CFAP44: variants seen among roughly 807,000 people sequenced by gnomAD.
The protein encoded by CFAP44 is cilia- and flagella-associated protein 44.
CFAP44 carries 134 observed loss-of-function variants against 216.2 expected under a neutral mutation model. The observed-to-expected ratio is 0.62, with a 90% CI of 0.54 to 0.72. The LOEUF (loss-of-function observed/expected upper bound fraction) is 0.72, where lower values mean the gene tolerates loss of function less well. Among genes scored for constraint, CFAP44 ranks in the 30% least tolerant of loss-of-function variants. The probability of loss-of-function intolerance (pLI) is 0.00; values close to 1 mark genes in which losing one functional copy is unlikely to be tolerated. For synonymous variants in CFAP44, 700 were observed against 727.6 expected (o/e 0.96, Z 0.61); for missense variants, 2,035 against 2,182.1 (o/e 0.93, Z 1.34).
At chr3:113,354,886 G>A (rs1428510130) in intron 22 of CFAP44, among the ~76,000 whole-genome samples, 4 of 152,114 alleles carry the variant, frequency 2.6e-5, no homozygotes, top group Non-Finnish European at 4.4e-5. Context: ...AACACAAAAC[G>A]AGCACACTAA....
At chr3:113,344,753 G>T in intron 22 of CFAP44, 41 bp from the exon 23 acceptor site, 1 of 1,437,870 alleles carries the variant, frequency 7.0e-7, no homozygotes, top group African/African-American at 1.4e-5. Flanking sequence ...TCACCATTTT[G>T]ATCATTCTGC....
chr3:113,423,734 G>T (rs1351589353), intron 4 of CFAP44, among the ~76,000 whole-genome samples: 1 of 152,152 alleles, frequency 6.6e-6, no homozygotes, highest in African/African-American at 2.4e-5. Flanking sequence ...GCTATTAAAA[G>T]AAAACTTTAG....
intron 2 of CFAP44, among the ~76,000 whole-genome samples, chr3:113,430,168 A>G (rs1935066770): frequency 1.3e-5 from 2 of 152,100 alleles, no homozygotes; most frequent in Non-Finnish European, 2.9e-5. Context: ...CAATAATGAT[A>G]AGATACCTTG....
chr3:113,382,974 G>A (rs1381341607), intron 15 of CFAP44, among the ~76,000 whole-genome samples: 2 of 152,234 alleles, frequency 1.3e-5, no homozygotes, highest in Non-Finnish European at 2.9e-5. Context: ...CGATTTCATG[G>A]ATTATGTCCA....
chr3:113,387,923 C>T (rs1215393332), intron 15 of CFAP44, among the ~76,000 whole-genome samples: 1 of 152,064 alleles, frequency 6.6e-6, no homozygotes, highest in African/African-American at 2.4e-5. Flanking sequence ...TGCCACAGGT[C>T]TGGGGTAGTG....
At chr3:113,432,745 G>A (rs1488471992) in intron 2 of CFAP44, among the ~76,000 whole-genome samples, 3 of 152,260 alleles carry the variant, frequency 2.0e-5, no homozygotes, top group East Asian at 1.9e-4. Context: ...AGTTAAGAAT[G>A]TATTATTTTA....
At chr3:113,292,629 A>G (rs1291075860) in intron 34 of CFAP44, among the ~76,000 whole-genome samples, 2 of 152,230 alleles carry the variant, frequency 1.3e-5, no homozygotes, top group Admixed American at 1.3e-4. Flanking sequence ...AGATAAGGAC[A>G]TTGAGACTCA....
intron 17 of CFAP44, among the ~76,000 whole-genome samples, chr3:113,375,242 G>A (rs999597999): frequency 5.3e-5 from 8 of 152,132 alleles, no homozygotes; most frequent in South Asian, 2.1e-4. Flanking sequence ...TGAGGAGGAC[G>A]GTAGAACAGA....
intron 6 of CFAP44, among the ~76,000 whole-genome samples, chr3:113,412,728 A>G (rs1008010730): frequency 6.6e-6 from 1 of 152,170 alleles, no homozygotes; most frequent in Non-Finnish European, 1.5e-5. Context: ...GCTACATAGT[A>G]TTCCATGATG....
chr3:113,384,665 G>A (rs1323578323), intron 15 of CFAP44, among the ~76,000 whole-genome samples: 2 of 152,168 alleles, frequency 1.3e-5, no homozygotes, highest in Non-Finnish European at 2.9e-5. Context: ...GGTCTCATAA[G>A]AAACTAAATC....
chr3:113,429,921 A>T (rs1042938256), intron 2 of CFAP44, among the ~76,000 whole-genome samples: 16 of 152,166 alleles, frequency 1.1e-4, no homozygotes, highest in Admixed American at 6.5e-4. Flanking sequence ...TGATAGAACA[A>T]CTAGTCAAAA....
chr3:113,298,175 G>C (rs1576534656), intron 32 of CFAP44, among the ~76,000 whole-genome samples: 1 of 152,306 alleles, frequency 6.6e-6, no homozygotes, highest in African/African-American at 2.4e-5. Flanking sequence ...TCATATACCA[G>C]AACATGTACT....
In CFAP44 at chr3:113,401,239, C is replaced by T; in HGVS notation, c.1374+1G>A. On this transcript the variant is annotated splice_donor_variant, in intron 11 of 34. Transcript: ENST00000393845. LOFTEE classifies it high-confidence loss of function. Reference sequence around the variant, plus strand: ...GAAAATAAGAATAATAGGCAACTTACAATATTTGAAAAACTAAGGTCAAGC... The same window carrying T: ...GAAAATAAGAATAATAGGCAACTTATAATATTTGAAAAACTAAGGTCAAGC... The T allele has an allele frequency of 1.3e-6, 2 of 1,583,990 alleles. No individual in the cohort carries two copies.
rs866231432 is a variant in CFAP44 at position 113,380,184 on chromosome 3, T to C, written c.2053-633A>G. 4.6e-5 allele frequency among the ~76,000 whole-genome samples: 7 copies of C among 152,304 alleles called. No homozygotes were observed. The South Asian group carries it at 1.5e-3, about 32-fold the overall frequency. On this transcript the variant is annotated intron_variant, in intron 16 of 34. Transcript: ENST00000393845. ...GTATATCTCCCAAACTTATATGATA[T>C]CATCACATCAATCCCCTCCTCACAA... is the stretch of plus-strand genomic sequence containing the variant.
intron 28 of CFAP44, among the ~76,000 whole-genome samples, chr3:113,313,403 G>T (rs55744928): frequency 0.024 from 3,698 of 152,252 alleles, 71 homozygotes; most frequent in Non-Finnish European, 0.042. Context: ...CTCATAGACA[G>T]AAGAGACTTG....
rs1037948041 is a variant in CFAP44, at chr3:113,395,644, G to C, written c.1890+106C>G. 16 of 942,664 alleles carry C rather than the reference G, an allele frequency of 1.7e-5. No homozygotes were observed. The African/African-American group carries it at 2.6e-4, about 15-fold the overall frequency. 58.4% of individuals were successfully genotyped at this position (942,664 alleles called of 1,614,324 possible). On this transcript the variant is annotated intron_variant, in intron 15 of 34. Transcript: ENST00000393845. ...GCCGCATCCCTGACCCTCACTGCAG[G>C]AACCAGGAGTGGGCTAAAAATTCCA...
At chr3:113,433,537 TA>T in intron 2 of CFAP44, 27 bp downstream of exon 2, 1 of 1,490,746 alleles carries the variant, frequency 6.7e-7, no homozygotes, top group South Asian at 1.2e-5. Flanking sequence ...TTAATACTTT[TA>T]AAAGTATACA....
At position 113,427,168 on chromosome 3, in the gene CFAP44, GA is replaced by G. The variant is rs752745387; in HGVS notation, c.253+18del. On this transcript the variant is annotated intron_variant, in intron 3 of 34. Transcript: ENST00000393845. ...TCTAAAACAGTGACAATTACTGACAGAAAACTAATAATACCTACCTGTAGTG... is the reference window on the plus strand; with the variant it reads ...TCTAAAACAGTGACAATTACTGACAGAAACTAATAATACCTACCTGTAGTG... The G allele has an allele frequency of 1.2e-5, 20 of 1,603,524 alleles. No individual in the cohort carries two copies. In the Admixed American group the frequency reaches 1.4e-4, roughly 11 times the overall value.
At chr3:113,333,716 T>C (rs1031443456) in intron 24 of CFAP44, 133 bp from the exon 25 acceptor site, 2 of 1,062,262 alleles carry the variant, frequency 1.9e-6, no homozygotes, top group Non-Finnish European at 1.3e-6. Context: ...ATGCCACTTT[T>C]GTCACAGAGC....
Sources: allele counts gnomAD v4.1 joint callset (sites outside exome capture counted in the v4.1 genomes callset), GRCh38; gene constraint gnomAD v4.1.1; transcripts MANE v1.5; gene names NCBI Gene and HGNC (gene_info 2026-07-23, HGNC 2026-07-21).